Variants in CYP4B1 observed in about 807,000 individuals in gnomAD.
CYP4B1 encodes cytochrome P450 4B1.
CYP4B1 carries 45 observed loss-of-function variants against 54.0 expected under a neutral mutation model. The observed-to-expected ratio is 0.83, with a 90% CI of 0.66 to 1.07. The LOEUF (loss-of-function observed/expected upper bound fraction) is 1.07. Ranked by LOEUF, CYP4B1 falls within the 50% of genes least tolerant of loss-of-function variation. CYP4B1 has a pLI of 0.00. For missense variants in CYP4B1, 656 were observed against 655.4 expected, an observed-to-expected ratio of 1.00 and a Z score of -0.01; for synonymous variants, 248 against 247.5, an observed-to-expected ratio of 1.00 and a Z score of -0.02.
In CYP4B1 at chr1:46,813,926, A is replaced by AC; in HGVS notation, c.640dup (p.Leu214ProfsTer21). The AC allele has an allele frequency of 6.2e-7, 1 of 1,614,066 alleles. No homozygotes were observed. The highest frequency in any genetic ancestry group is 1.3e-5 in the African/African-American group (1 of 75,004). On this transcript the variant is annotated frameshift_variant, in exon 6 of 12. Transcript: ENST00000371923. LOFTEE classifies it high-confidence loss of function. ...CTGCTTAGCAGGGACAGCAGCTACT[A>AC]CCTTGCAGTCAGCGATCTCACTCTG...
intron 5 of CYP4B1, 34 bp downstream of exon 5, chr1:46,813,640 T>A: frequency 6.2e-7 from 1 of 1,611,870 alleles, no homozygotes. Flanking sequence ...CCGCACTGTC[T>A]CCAAAGCCAT....
intron 1 of CYP4B1, among the ~76,000 whole-genome samples, chr1:46,806,330 A>T (rs879060679): frequency 1.3e-5 from 2 of 152,152 alleles, no homozygotes; most frequent in African/African-American, 2.4e-5. Flanking sequence ...TTGTGAGCAG[A>T]CTGATTTTCA....
Position 46,813,524 on chromosome 1 carries a change from A to G in CYP4B1, c.538A>G (p.Ile180Val). Residue 180 changes from isoleucine (I) to valine (V), a missense_variant, in exon 5 of 12, where the codon ATC (isoleucine) becomes GTC (valine). Physicochemically the swap from Ile to Val is conservative, Grantham distance 29. Transcript: ENST00000371923. ...AGCTCGGGAGGGTAAGTCCTTTGAC[A>G]TCTTCTGCGATGTGGGTCACATGGC... ...EKAREGKSFD[I>V]FCDVGHMALN... The G allele has an allele frequency of 1.2e-6, 2 of 1,614,218 alleles. No homozygotes were observed. Among genetic ancestry groups the G allele is most frequent in the Middle Eastern group, 1.6e-4 (1 of 6,062 alleles).
intron 9 of CYP4B1, among the ~76,000 whole-genome samples, chr1:46,817,762 A>G (rs1308911393): frequency 6.6e-6 from 1 of 152,230 alleles, no homozygotes; most frequent in Non-Finnish European, 1.5e-5. Flanking sequence ...TGCTGTACCC[A>G]GTGCCGGGAT....
chr1:46,813,140 C>T (rs1477355169), intron 4 of CYP4B1, among the ~76,000 whole-genome samples: 1 of 152,156 alleles, frequency 6.6e-6, no homozygotes, highest in African/African-American at 2.4e-5. Context: ...TAGGAAACTC[C>T]CCTCCAGGAT....
chr1:46,800,273 C>A (rs1678592906), intron 1 of CYP4B1, among the ~76,000 whole-genome samples: 1 of 119,524 alleles, frequency 8.4e-6, no homozygotes, highest in Non-Finnish European at 1.7e-5. Context: ...TTCCTTCCTT[C>A]CTTCCTTCCT....
intron 8 of CYP4B1, among the ~76,000 whole-genome samples, chr1:46,816,155 C>T (rs3766197): frequency 0.14 from 21,417 of 152,064 alleles, 1,577 homozygotes; most frequent in South Asian, 0.27. Context: ...GGGTGCAGAA[C>T]GGAAGAGAAA....
At chr1:46,816,783 G>T (rs1428615902) in intron 8 of CYP4B1, among the ~76,000 whole-genome samples, 3 of 152,078 alleles carry the variant, frequency 2.0e-5, no homozygotes, top group East Asian at 3.9e-4. Flanking sequence ...TTGATGGCTG[G>T]GTGCACCTTC....
rs781172722 is a variant in CYP4B1 at position 46,799,097 on chromosome 1, C to A, written c.16C>A (p.Leu6Ile). Residue 6 changes from leucine to isoleucine, a missense_variant, in exon 1 of 12, where the codon CTC becomes ATC. Coordinates refer to ENST00000371923, the MANE Select transcript of CYP4B1 (RefSeq NM_001099772.2). ...AACTGCAACCATGGTGCCCAGCTTCCTCTCCCTGAGCTTCTCCTCCTTGGG... is the reference window on the plus strand; with the variant it reads ...AACTGCAACCATGGTGCCCAGCTTCATCTCCCTGAGCTTCTCCTCCTTGGG... MVPSF[L>I]SLSFSSLGLW... 6.2e-7 allele frequency: 1 copy of A among 1,614,020 alleles called. No homozygotes were observed. Among genetic ancestry groups the A allele is most frequent in the East Asian group, 2.2e-5 (1 of 44,852 alleles).
chr1:46,813,796 G>T, intron 5 of CYP4B1, 113 bp from the exon 6 acceptor site: 1 of 1,454,434 alleles, frequency 6.9e-7, no homozygotes. Flanking sequence ...TAAGGGCAGG[G>T]AGAAGAAGAG....
chr1:46,816,581 G>GACACACACACACACACACACACACAC (rs3066413), intron 8 of CYP4B1, among the ~76,000 whole-genome samples: 5,364 of 146,386 alleles, frequency 0.037, 158 homozygotes, highest in East Asian at 0.088. Flanking sequence ...AAAGGGAAAA[G>GACACACACACACACACACACACACAC]ACACACACAC....
In CYP4B1 at chr1:46,817,350, T is replaced by C. The variant is rs948793338; in HGVS notation, c.1207+169T>C. ...CAACATATTGATCAATTCTTCTACC[T>C]CTGAGCCTCCATTTCCCCTTCTGTA... On this transcript the variant is annotated intron_variant, in intron 9 of 11. Coordinates refer to ENST00000371923, the MANE Select transcript of CYP4B1 (RefSeq NM_001099772.2). 2.0e-5 allele frequency: 14 copies of C among 701,242 alleles called. No homozygotes were observed. The African/African-American group carries it at 2.5e-4, about 13-fold the overall frequency. The allele number at this position is 701,242 out of a possible 1,614,324, so 43.4% of individuals were successfully genotyped here.
intron 1 of CYP4B1, among the ~76,000 whole-genome samples, chr1:46,806,265 C>T (rs1400667864): frequency 2.0e-5 from 3 of 152,178 alleles, no homozygotes; most frequent in African/African-American, 7.2e-5. Flanking sequence ...GAAAAGGAAA[C>T]CCCTTCGTCT....
Position 46,810,851 on chromosome 1 carries a change from A to C in CYP4B1, c.224A>C (p.His75Pro). 1 of 1,614,146 alleles carries C rather than the reference A, an allele frequency of 6.2e-7. No homozygotes were observed. Among genetic ancestry groups the C allele is most frequent in the Non-Finnish European group, 8.5e-7 (1 of 1,180,022 alleles). Residue 75 changes from histidine (H) to proline (P), a missense_variant, in exon 2 of 12, where the codon CAC becomes CCC. Coordinates refer to ENST00000371923, the MANE Select transcript of CYP4B1 (RefSeq NM_001099772.2). Reference protein sequence around the residue: ...GSLDKVVSWAHQFPYAHPLWF... With the variant: ...GSLDKVVSWAPQFPYAHPLWF... ...CTGGACAAAGTGGTGTCCTGGGCCC[A>C]CCAGTTCCCGTATGCCCACCCACTC...
Position 46,811,066 on chromosome 1 carries a change from T to C in CYP4B1, c.323-74T>C. 3.1e-6 allele frequency: 5 copies of C among 1,604,630 alleles called. No homozygotes were observed. In the South Asian group the frequency reaches 5.5e-5, roughly 18 times the overall value. ...TGTACTAAGTCTGCGGAGCTGAGGTTCCCACCCTACTCATAAATGAGCCTC... is the reference window on the plus strand; with the variant it reads ...TGTACTAAGTCTGCGGAGCTGAGGTCCCCACCCTACTCATAAATGAGCCTC... On this transcript the variant is annotated intron_variant, in intron 2 of 11. Transcript: ENST00000371923.
intron 1 of CYP4B1, among the ~76,000 whole-genome samples, chr1:46,809,202 A>AAAACAAAAC (rs1473409649): frequency 9.4e-6 from 1 of 106,792 alleles, no homozygotes; most frequent in African/African-American, 3.1e-5. Context: ...AAAACAAAAC[A>AAAACAAAAC]AAAAAAAGCT....
At chr1:46,816,856 G>A (rs1679354582) in intron 8 of CYP4B1, among the ~76,000 whole-genome samples, 192 bp from the exon 9 acceptor site, 1 of 152,116 alleles carries the variant, frequency 6.6e-6, no homozygotes, top group Admixed American at 6.6e-5. Flanking sequence ...GGAGAAAAGT[G>A]GAACCAGATC....
chr1:46,799,681 A>G (rs960694718), intron 1 of CYP4B1, among the ~76,000 whole-genome samples: 4 of 152,268 alleles, frequency 2.6e-5, no homozygotes, highest in African/African-American at 7.2e-5. Flanking sequence ...TTTGTAAGGC[A>G]GGAAATGAGA....
At chr1:46,814,768 A>T (rs1279539910) in intron 7 of CYP4B1, 1 of 420,088 alleles carries the variant, frequency 2.4e-6, no homozygotes, top group Non-Finnish European at 4.3e-6. Context: ...GACAGTAGGT[A>T]GATGTTGACC....
Sources: allele counts gnomAD v4.1 joint callset (sites outside exome capture counted in the v4.1 genomes callset), GRCh38; gene constraint gnomAD v4.1.1; transcripts MANE v1.5; gene names NCBI Gene and HGNC (gene_info 2026-07-23, HGNC 2026-07-21).